Variants in PCDHGB2 observed in about 807,000 individuals in gnomAD.
The protein encoded by PCDHGB2 is protocadherin gamma subfamily B, 2.
Under a neutral mutation model 59.3 loss-of-function variants are expected in PCDHGB2, and 55 were observed. The ratio of observed to expected loss-of-function variants is 0.93; its 90% confidence interval spans 0.75 to 1.16. The LOEUF is 1.16. Ranked by LOEUF, PCDHGB2 falls within the 50% of genes most tolerant of loss-of-function variation. PCDHGB2 has a pLI of 0.00. For synonymous variants in PCDHGB2, 516 were observed against 512.0 expected (o/e 1.01, Z -0.11); for missense variants, 1,228 against 1,198.5 (o/e 1.02, Z -0.36).
At chr5:141,450,516 C>T (rs150995579) in intron 1 of PCDHGB2, among the ~76,000 whole-genome samples, 2,020 of 152,024 alleles carry the variant, frequency 0.013, 56 homozygotes, top group African/African-American at 0.046. Context: ...GATGGAGTCT[C>T]ATTCTTGTCA....
At chr5:141,399,511 C>A (rs1252813422) in intron 1 of PCDHGB2, 1 of 1,613,924 alleles carries the variant, frequency 6.2e-7, no homozygotes, top group African/African-American at 1.3e-5. Flanking sequence ...CGAAAACAAC[C>A]CTCCTGGGGC....
At position 141,449,665 on chromosome 5, in the gene PCDHGB2, G is replaced by T. The variant is rs144213743; in HGVS notation, c.2422-45142G>T. 9.3e-5 allele frequency among the ~76,000 whole-genome samples: 14 copies of T among 150,156 alleles called. No individual in the cohort carries two copies. In the East Asian group the frequency reaches 2.7e-3, roughly 29 times the overall value. Reference sequence around the variant, plus strand: ...TATACATATTTACATACACACCCAAGTGTGTATGTATATATGTTTGTGTGT... The same window carrying T: ...TATACATATTTACATACACACCCAATTGTGTATGTATATATGTTTGTGTGT... On this transcript the variant is annotated intron_variant, in intron 1 of 3. Coordinates refer to ENST00000522605, the MANE Select transcript of PCDHGB2 (RefSeq NM_018923.3).
intron 1 of PCDHGB2, chr5:141,375,005 G>A (rs757710290): frequency 1.2e-6 from 2 of 1,613,892 alleles, no homozygotes; most frequent in African/African-American, 2.7e-5. Context: ...TGCAAATCTA[G>A]ACTATGAGGA....
chr5:141,475,679 T>A (rs967189869), intron 1 of PCDHGB2, among the ~76,000 whole-genome samples: 2 of 152,236 alleles, frequency 1.3e-5, no homozygotes, highest in African/African-American at 4.8e-5. Flanking sequence ...GAGTCTTGAT[T>A]TGGATTGGAG....
chr5:141,489,246 G>A lies in PCDHGB2; in HGVS notation c.2422-5561G>A, dbSNP rs141115698. On this transcript the variant is annotated intron_variant, in intron 1 of 3. Coordinates refer to ENST00000522605, the MANE Select transcript of PCDHGB2 (RefSeq NM_018923.3). The surrounding 1 kb of genome is among the most constrained non-coding windows in gnomAD (Gnocchi z 4.5). Reference sequence around the variant, plus strand: ...CACAAAGGGACTTCTGGGTCATGGGGCCCAAGACACTCCCACAGCTCGCTG... The same window carrying A: ...CACAAAGGGACTTCTGGGTCATGGGACCCAAGACACTCCCACAGCTCGCTG... 750 of 1,544,746 alleles carry A rather than the reference G, an allele frequency of 4.9e-4. No homozygotes were observed. The highest frequency in any genetic ancestry group is 6.3e-4 in the Non-Finnish European group (726 of 1,145,538).
chr5:141,504,242 GTTC>G (rs903218038), intron 2 of PCDHGB2, among the ~76,000 whole-genome samples: 25 of 152,170 alleles, frequency 1.6e-4, no homozygotes, highest in African/African-American at 5.1e-4. Context: ...GAAGCAGAGA[GTTC>G]TTCTTATGGT....
At chr5:141,474,803 T>C (rs1383027398) in intron 1 of PCDHGB2, among the ~76,000 whole-genome samples, 1 of 152,250 alleles carries the variant, frequency 6.6e-6, no homozygotes, top group Non-Finnish European at 1.5e-5. Context: ...ATGGAGTGGT[T>C]TGCATCATTA....
chr5:141,361,840 C>T lies in PCDHGB2; in HGVS notation c.1705C>T (p.Pro569Ser). 6.2e-7 allele frequency: 1 copy of T among 1,612,726 alleles called. No individual in the cohort carries two copies. The highest frequency in any genetic ancestry group is 1.1e-5 in the South Asian group (1 of 91,048). Residue 569 changes from proline to serine, a missense_variant, in exon 1 of 4, where the codon CCT (proline) becomes TCT (serine). Transcript: ENST00000522605. ...APRVLYPALGPDGSALFDMVP... is the reference protein window; with the variant it reads ...APRVLYPALGSDGSALFDMVP... ...ACGGGTGCTGTACCCCGCGCTGGGG[C>T]CTGATGGCTCCGCCCTCTTCGATAT...
At chr5:141,383,503 C>T (rs751472631) in intron 1 of PCDHGB2, 24 of 1,612,654 alleles carry the variant, frequency 1.5e-5, no homozygotes, top group East Asian at 2.2e-5. Context: ...GGTGCTGGAC[C>T]GGGAGGAAGA....
rs757797019 is a variant in PCDHGB2 at position 141,487,064 on chromosome 5, G to A, written c.2422-7743G>A. On this transcript the variant is annotated intron_variant, in intron 1 of 3. Transcript: ENST00000522605. The surrounding 1 kb of genome is among the most constrained non-coding windows in gnomAD (Gnocchi z 5.0). The stretch of plus-strand genomic sequence containing the variant: ...TCGATATGCTGGGGAGGTGCGGACG[G>A]CTGTTCCTATCCCAGCTGACCTCCC... 6.2e-6 allele frequency: 10 copies of A among 1,614,006 alleles called. No individual in the cohort carries two copies.
At position 141,473,122 on chromosome 5, in the gene PCDHGB2, T is replaced by C. The variant is rs533113606; in HGVS notation, c.2422-21685T>C. On this transcript the variant is annotated intron_variant, in intron 1 of 3. Coordinates refer to ENST00000522605, the MANE Select transcript of PCDHGB2 (RefSeq NM_018923.3). ...TATTACCACACTTTACTTGGCTCTT[T>C]GGCAAACTATATTATCTCTTCAGAT... Among the ~76,000 whole-genome samples, 3 of 152,362 alleles carry C rather than the reference T, an allele frequency of 2.0e-5. No homozygotes were observed. In the East Asian group the frequency reaches 5.8e-4, roughly 29 times the overall value.
At chr5:141,392,722 A>G in intron 1 of PCDHGB2, 1 of 1,389,524 alleles carries the variant, frequency 7.2e-7, no homozygotes, top group African/African-American at 1.5e-5. Context: ...AGGTTTCCGG[A>G]GGATTGTCAT....
chr5:141,384,089 C>T, intron 1 of PCDHGB2: 1 of 1,596,318 alleles, frequency 6.3e-7, no homozygotes, highest in South Asian at 1.1e-5. Context: ...TTAGAAAAAT[C>T]AATAGATAAT....
chr5:141,404,586 A>G, intron 1 of PCDHGB2: 1 of 1,614,008 alleles, frequency 6.2e-7, no homozygotes, highest in Non-Finnish European at 8.5e-7. Context: ...CTTAGCAGCA[A>G]TGTGTCATTG....
At chr5:141,408,317 G>A in intron 1 of PCDHGB2, 1 of 1,613,892 alleles carries the variant, frequency 6.2e-7, no homozygotes, top group Non-Finnish European at 8.5e-7. Context: ...CTCGATTCCG[G>A]AGGAGCTGGC....
intron 1 of PCDHGB2, chr5:141,415,740 G>GTTTTTTGTTT (rs2095911797): frequency 3.9e-6 from 2 of 515,998 alleles, no homozygotes; most frequent in African/African-American, 2.8e-5. Context: ...GTTTATTAAG[G>GTTTTTTGTTT]TTTTTTTTTT....
At chr5:141,392,719 C>CCG in intron 1 of PCDHGB2, 1 of 1,383,098 alleles carries the variant, frequency 7.2e-7, no homozygotes, top group African/African-American at 1.5e-5. Context: ...TCCAGGTTTC[C>CCG]GGAGGATTGT....
chr5:141,503,343 T>C (rs558650835), intron 2 of PCDHGB2, among the ~76,000 whole-genome samples: 87 of 152,106 alleles, frequency 5.7e-4, no homozygotes, highest in South Asian at 1.2e-3. Flanking sequence ...ACGCCTGTAA[T>C]TCCAGCACTT....
At chr5:141,399,833 C>A in intron 1 of PCDHGB2, 1 of 1,613,140 alleles carries the variant, frequency 6.2e-7, no homozygotes, top group Non-Finnish European at 8.5e-7. Context: ...GACGGCTCTG[C>A]GCTCTTCGAT....
Sources: allele counts gnomAD v4.1 joint callset (sites outside exome capture counted in the v4.1 genomes callset), GRCh38; gene constraint gnomAD v4.1.1; non-coding constraint Gnocchi (gnomAD v3.1); transcripts MANE v1.5; gene names NCBI Gene and HGNC (gene_info 2026-07-23, HGNC 2026-07-21).